The following LY75 variants were observed in gnomAD, a reference collection of about 807,000 sequenced individuals.
LY75 encodes C-type lectin domain family 13 member B.
In LY75, 185 loss-of-function variants were observed where a neutral mutation model predicts 231.7. The observed-to-expected ratio is 0.80, with a 90% CI of 0.71 to 0.90. The LOEUF (loss-of-function observed/expected upper bound fraction) is 0.90, where lower values mean the gene tolerates loss of function less well. Among genes scored for constraint, LY75 ranks in the 40% least tolerant of loss-of-function variants. LY75 has a pLI of 0.00. For synonymous variants in LY75, 668 were observed against 689.0 expected, an observed-to-expected ratio of 0.97 and a Z score of 0.48; for missense variants, 1,947 against 2,050.2, an observed-to-expected ratio of 0.95 and a Z score of 0.97.
chr2:159,878,794 G>A (rs575342653), intron 9 of LY75, 73 bp from the exon 10 acceptor site: 1 of 1,510,756 alleles, frequency 6.6e-7, no homozygotes, highest in East Asian at 2.3e-5. Context: ...GCATGTTTCT[G>A]CTACATTGAT....
At chr2:159,857,531 C>T (rs1684582669) in intron 16 of LY75, among the ~76,000 whole-genome samples, 1 of 152,098 alleles carries the variant, frequency 6.6e-6, no homozygotes, top group Non-Finnish European at 1.5e-5. Flanking sequence ...CACCTGAGGT[C>T]AGGAGTTCGA....
chr2:159,821,185 G>C (rs992201521), intron 28 of LY75, among the ~76,000 whole-genome samples: 2 of 145,660 alleles, frequency 1.4e-5, no homozygotes, highest in African/African-American at 5.1e-5. Context: ...AGTGTGGAAA[G>C]AATAGTCTTC....
chr2:159,829,207 A>T (rs531727760), intron 28 of LY75, among the ~76,000 whole-genome samples: 2 of 152,226 alleles, frequency 1.3e-5, no homozygotes, highest in Non-Finnish European at 2.9e-5. Flanking sequence ...ACCCCTAAAC[A>T]TCTGCCTGCA....
chr2:159,821,215 TAAAA>T (rs35783239), intron 28 of LY75, among the ~76,000 whole-genome samples: 6 of 144,450 alleles, frequency 4.2e-5, no homozygotes, highest in African/African-American at 7.6e-5. Flanking sequence ...TATCCACATG[TAAAA>T]AAAAAAAAAA....
At chr2:159,855,741 A>G (rs2125857416) in intron 16 of LY75, among the ~76,000 whole-genome samples, 1 of 152,340 alleles carries the variant, frequency 6.6e-6, no homozygotes, top group East Asian at 1.9e-4. Flanking sequence ...GCACAGGACC[A>G]GGCACAGGGA....
chr2:159,886,477 C>A lies in LY75; in HGVS notation c.856G>T (p.Ala286Ser). ...TGGTCTGACCATTCCCAGCCTCTAG[C>A]AGAGTATAGCTGATTTAAACCAATC... ...FWIGLNQLYS[A>S]RGWEWSDHKP... Residue 286 changes from alanine to serine, a missense_variant, in exon 5 of 35, where the codon GCT becomes TCT. Coordinates refer to ENST00000263636, the MANE Select transcript of LY75 (RefSeq NM_002349.4). 6.2e-7 allele frequency: 1 copy of A among 1,611,648 alleles called. No individual in the cohort carries two copies. The highest frequency in any genetic ancestry group is 8.5e-7 in the Non-Finnish European group (1 of 1,178,754).
Position 159,894,042 on chromosome 2 carries a change from T to C in LY75, c.509A>G (p.Glu170Gly). 1 of 1,613,736 alleles carries C rather than the reference T, an allele frequency of 6.2e-7. No homozygotes were observed. Among genetic ancestry groups the C allele is most frequent in the Non-Finnish European group, 8.5e-7 (1 of 1,179,766 alleles). ...RDGNSYGRPCEFPFLIDGTWH... is the reference protein window; with the variant it reads ...RDGNSYGRPCGFPFLIDGTWH... ...GGTCCCATCAATTAAGAATGGAAAT[T>C]CACAAGGTCTCCCATAAGAGTTCCC... The change falls in exon 3 of 35, where the codon GAA becomes GGA. Residue 170 changes from glutamate (E) to glycine (G), a missense_variant. Physicochemically the swap from Glu to Gly is moderately conservative, Grantham distance 98. Coordinates refer to ENST00000263636, the MANE Select transcript of LY75 (RefSeq NM_002349.4).
At chr2:159,806,912 T>C in intron 34 of LY75, 61 bp downstream of exon 34, 1 of 1,528,094 alleles carries the variant, frequency 6.5e-7, no homozygotes, top group South Asian at 1.3e-5. Flanking sequence ...CATAATTGGA[T>C]TGTACATTTA....
intron 28 of LY75, among the ~76,000 whole-genome samples, chr2:159,830,987 A>T (rs758554999): frequency 4.6e-5 from 7 of 152,234 alleles, no homozygotes; most frequent in Non-Finnish European, 1.0e-4. Flanking sequence ...GTTCTTGCTC[A>T]TCTCACATAG....
chr2:159,873,789 CATAAATATATACATATAGTAAAAATACAT>C (rs1685092845), intron 12 of LY75, among the ~76,000 whole-genome samples: 1 of 87,690 alleles, frequency 1.1e-5, no homozygotes, highest in East Asian at 2.8e-4. Flanking sequence ...TAAAAATATA[CATAAATATATACATATAGTAAAAATACAT>C]ATAAACGTAT....
chr2:159,852,488 G>A, intron 20 of LY75, 148 bp from the exon 21 acceptor site: 2 of 1,098,230 alleles, frequency 1.8e-6, no homozygotes, highest in Non-Finnish European at 1.2e-6. Flanking sequence ...GTGCAATGTT[G>A]GCTTACTGCA....
At position 159,850,387 on chromosome 2, in the gene LY75, A is replaced by AG; in HGVS notation, c.2963dup (p.Ser989PhefsTer7). The AG allele has an allele frequency of 3.7e-6, 6 of 1,613,728 alleles. No individual in the cohort carries two copies. The highest frequency in any genetic ancestry group is 5.1e-6 in the Non-Finnish European group (6 of 1,179,726). The stretch of plus-strand genomic sequence containing the variant: ...CTTGTTCAATCTGGCTCAACACTGA[A>AG]GGAAGGGTGCCACCATAGGAGTGAC... On this transcript the variant is annotated frameshift_variant, in exon 22 of 35. Transcript: ENST00000263636. LOFTEE classifies it high-confidence loss of function.
intron 34 of LY75, among the ~76,000 whole-genome samples, chr2:159,805,644 G>A (rs1682769065): frequency 6.6e-6 from 1 of 152,192 alleles, no homozygotes; most frequent in Non-Finnish European, 1.5e-5. Context: ...GCTTCAAAAT[G>A]ATTTAAGTCT....
At chr2:159,899,223 G>C (rs1685999735) in intron 1 of LY75, 164 bp from the exon 2 acceptor site, 1 of 853,482 alleles carries the variant, frequency 1.2e-6, no homozygotes, top group Middle Eastern at 6.0e-4. Context: ...GGTGAGCAGA[G>C]AGGCAGTGCA....
At position 159,882,303 on chromosome 2, in the gene LY75, T is replaced by C. The variant is rs1015598412; in HGVS notation, c.1067A>G (p.Tyr356Cys). ...NTVELTDVWT[Y>C]SDTRCDAGWL... is the part of the protein sequence containing the mutation. ...GCCTGCATCACAGCGGGTATCTGAG[T>C]ATGTCCAGACATCTGGGGGAAAAGC... The change falls in exon 7 of 35, where the codon TAC (tyrosine) becomes TGC (cysteine). Residue 356 changes from tyrosine (Y) to cysteine (C), a missense_variant. By Grantham distance (194) the Tyr-to-Cys change is radical (BLOSUM62 -2). Coordinates refer to ENST00000263636, the MANE Select transcript of LY75 (RefSeq NM_002349.4). The C allele has an allele frequency of 6.8e-6, 11 of 1,613,766 alleles. No homozygotes were observed. Among genetic ancestry groups the C allele is most frequent in the Non-Finnish European group, 7.6e-6 (9 of 1,179,780 alleles).
At chr2:159,840,125 G>T (rs1683970186) in intron 25 of LY75, among the ~76,000 whole-genome samples, 1 of 151,628 alleles carries the variant, frequency 6.6e-6, no homozygotes, top group Non-Finnish European at 1.5e-5. Flanking sequence ...ATTGGCTGAA[G>T]AGATATGGCA....
In LY75 at chr2:159,898,794, C is replaced by A. The variant is rs1368071314; in HGVS notation, c.360G>T (p.Arg120=). 1 of 1,614,226 alleles carries A rather than the reference C, an allele frequency of 6.2e-7. No homozygotes were observed. The highest frequency in any genetic ancestry group is 1.7e-5 in the Admixed American group (1 of 60,032). ...GTCCATCCTTCAGAGCCAGCCGGTA[C>A]CGGGCAGCTCCGTACAGAGAGTGGT... ...CEHHSLYGAA[R]YRLALKDGHG... The change falls in exon 2 of 35, where the codon CGG becomes CGT. Residue 120 remains arginine (R), a synonymous_variant. Coordinates refer to ENST00000263636, the MANE Select transcript of LY75 (RefSeq NM_002349.4).
rs1440938884 is a variant in LY75, at chr2:159,810,659, A to G, written c.4566T>C (p.Arg1522=). The change falls in exon 32 of 35, where the codon CGT becomes CGC. Residue 1522 remains arginine, a synonymous_variant. Transcript: ENST00000263636. ...YKPTKSKKLS[R]LTYSSRCPAA... ...CTGGACATCTTGATGAATATGTAAGACGGGACAGCTTTTTAGCTATAAAAA... is the reference window on the plus strand; with the variant it reads ...CTGGACATCTTGATGAATATGTAAGGCGGGACAGCTTTTTAGCTATAAAAA... 9.9e-6 allele frequency: 16 copies of G among 1,612,872 alleles called. No individual in the cohort carries two copies. Among genetic ancestry groups the G allele is most frequent in the Non-Finnish European group, 1.4e-5 (16 of 1,179,732 alleles).
chr2:159,841,007 A>C (rs1214223413), intron 24 of LY75, 52 bp from the exon 25 acceptor site: 14 of 1,588,228 alleles, frequency 8.8e-6, no homozygotes, highest in Non-Finnish European at 1.1e-5. Flanking sequence ...CACACTCTGC[A>C]AGTTATGGGA....
Sources: gnomAD v4.1 joint callset for allele counts (sites outside exome capture counted in the v4.1 genomes callset) on GRCh38, gnomAD v4.1.1 for gene constraint, MANE v1.5 for transcripts, NCBI Gene and HGNC (gene_info 2026-07-23, HGNC 2026-07-21) for gene names.